Variants in PXDNL observed in about 807,000 individuals in gnomAD.
PXDNL encodes probable oxidoreductase PXDNL.
In PXDNL, 145 loss-of-function variants were observed where a neutral mutation model predicts 150.8. The observed-to-expected ratio is 0.96, with a 90% CI of 0.84 to 1.10. PXDNL has a LOEUF of 1.10. Among genes scored for constraint, PXDNL ranks in the 50% least tolerant of loss-of-function variants. The pLI is 0.00. For missense variants in PXDNL, 2,087 were observed against 1,873.9 expected, an observed-to-expected ratio of 1.11 and a Z score of -2.10; for synonymous variants, 757 against 725.7, an observed-to-expected ratio of 1.04 and a Z score of -0.69.
intron 18 of PXDNL, among the ~76,000 whole-genome samples, chr8:51,373,719 T>A (rs548305599): frequency 7.9e-5 from 12 of 152,312 alleles, no homozygotes; most frequent in African/African-American, 2.9e-4. Context: ...TTGTTTCAAG[T>A]CTTATATACA....
At chr8:51,586,848 G>A (rs923638410) in intron 3 of PXDNL, among the ~76,000 whole-genome samples, 1 of 152,146 alleles carries the variant, frequency 6.6e-6, no homozygotes, top group Non-Finnish European at 1.5e-5. Context: ...CTAGTAGGAA[G>A]AAGCTATAAT....
At chr8:51,585,840 T>A (rs1813311790) in intron 3 of PXDNL, among the ~76,000 whole-genome samples, 1 of 152,076 alleles carries the variant, frequency 6.6e-6, no homozygotes. Context: ...GCTCCTTCCA[T>A]CAAGACCAAC....
At chr8:51,721,549 G>A in intron 1 of PXDNL, 1 of 176,076 alleles carries the variant, frequency 5.7e-6, no homozygotes, top group Non-Finnish European at 1.2e-5. Context: ...CGAGTTAATG[G>A]GTGCAGCACA....
intron 1 of PXDNL, 76 bp from the exon 2 acceptor site, chr8:51,654,836 C>T: frequency 9.1e-7 from 1 of 1,104,920 alleles, no homozygotes; most frequent in Non-Finnish European, 1.4e-6. Flanking sequence ...AGCTTGAAGG[C>T]TAAATCTCCT....
intron 2 of PXDNL, among the ~76,000 whole-genome samples, chr8:51,606,595 C>A (rs532257173): frequency 6.6e-6 from 1 of 152,196 alleles, no homozygotes; most frequent in African/African-American, 2.4e-5. Flanking sequence ...TGCTGCCCAA[C>A]TGAAATATAA....
chr8:51,799,723 G>T (rs1180300929), intron 1 of PXDNL, among the ~76,000 whole-genome samples: 3 of 152,186 alleles, frequency 2.0e-5, no homozygotes, highest in Non-Finnish European at 4.4e-5. Flanking sequence ...GCCAGGAAGG[G>T]AACGGCTCCA....
chr8:51,493,338 C>A (rs1755430863), intron 5 of PXDNL, among the ~76,000 whole-genome samples: 1 of 151,142 alleles, frequency 6.6e-6, no homozygotes, highest in Non-Finnish European at 1.5e-5. Flanking sequence ...GGGAAAAAAA[C>A]AGAGCACAAA....
chr8:51,697,258 C>A (rs1227644523), intron 1 of PXDNL, among the ~76,000 whole-genome samples: 1 of 140,472 alleles, frequency 7.1e-6, no homozygotes, highest in Non-Finnish European at 1.5e-5. Context: ...GAGCCAAGAT[C>A]GTGCCACTGC....
intron 2 of PXDNL, among the ~76,000 whole-genome samples, chr8:51,596,513 T>A (rs1284750998): frequency 6.6e-6 from 1 of 152,192 alleles, no homozygotes; most frequent in Non-Finnish European, 1.5e-5. Flanking sequence ...TACTTTCCCA[T>A]CAACACTGTA....
intron 19 of PXDNL, among the ~76,000 whole-genome samples, chr8:51,351,224 A>T (rs1445370106): frequency 6.6e-6 from 1 of 152,254 alleles, no homozygotes; most frequent in Non-Finnish European, 1.5e-5. Flanking sequence ...CATATGTTGA[A>T]ATTCTAATCC....
intron 11 of PXDNL, 69 bp downstream of exon 11, chr8:51,448,933 A>AT (rs576700884): frequency 2.9e-4 from 226 of 780,610 alleles, no homozygotes; most frequent in Non-Finnish European, 3.7e-4. Context: ...AATTTAAACT[A>AT]TTTTTTTTTA....
chr8:51,781,284 T>C (rs1183195409), intron 1 of PXDNL, among the ~76,000 whole-genome samples: 1 of 152,114 alleles, frequency 6.6e-6, no homozygotes, highest in East Asian at 1.9e-4. Context: ...TTCTCTGACT[T>C]TGTGTGCCTT....
chr8:51,372,376 T>C (rs549664133), intron 18 of PXDNL, among the ~76,000 whole-genome samples: 1 of 152,220 alleles, frequency 6.6e-6, no homozygotes, highest in Non-Finnish European at 1.5e-5. Flanking sequence ...TTTTAAATTT[T>C]TTTTAATTTT....
chr8:51,626,827 G>C (rs1418506462), intron 2 of PXDNL, among the ~76,000 whole-genome samples: 1 of 152,102 alleles, frequency 6.6e-6, no homozygotes, highest in African/African-American at 2.4e-5. Context: ...ATGAACCAAA[G>C]AGGCAATTTT....
intron 4 of PXDNL, among the ~76,000 whole-genome samples, chr8:51,531,494 C>G (rs1264312735): frequency 6.6e-6 from 1 of 152,176 alleles, no homozygotes; most frequent in East Asian, 1.9e-4. Context: ...GCAGAGATCT[C>G]AGGCCCTCAG....
intron 13 of PXDNL, 55 bp downstream of exon 13, chr8:51,426,591 G>A (rs953461880): frequency 1.1e-5 from 11 of 991,828 alleles, no homozygotes; most frequent in Middle Eastern, 2.1e-4. Context: ...ATTTCAGTGG[G>A]TCGATACATC....
intron 1 of PXDNL, among the ~76,000 whole-genome samples, chr8:51,790,888 T>C (rs1410320528): frequency 9.8e-6 from 1 of 101,572 alleles, no homozygotes; most frequent in Admixed American, 1.2e-4. Flanking sequence ...TTTTGTAATC[T>C]TTGTAAATAC....
At chr8:51,600,883 T>C (rs975397610) in intron 2 of PXDNL, among the ~76,000 whole-genome samples, 2 of 141,742 alleles carry the variant, frequency 1.4e-5, no homozygotes, top group Non-Finnish European at 3.0e-5. Context: ...AATTACATCT[T>C]ATATAAATTA....
intron 8 of PXDNL, among the ~76,000 whole-genome samples, chr8:51,460,058 G>C (rs1810037112): frequency 6.6e-6 from 1 of 151,662 alleles, no homozygotes; most frequent in Non-Finnish European, 1.5e-5. Context: ...GACAAGCCTG[G>C]GCAACACAGT....
Sources: allele counts gnomAD v4.1 joint callset (sites outside exome capture counted in the v4.1 genomes callset), GRCh38; gene constraint gnomAD v4.1.1; transcripts MANE v1.5; gene names NCBI Gene and HGNC (gene_info 2026-07-23, HGNC 2026-07-21).